CADM2: variants seen among roughly 807,000 people sequenced by gnomAD.
The protein encoded by CADM2 is immunoglobulin superfamily member 4D.
A neutral mutation model predicts 49.8 loss-of-function variants in CADM2; 12 were observed. The observed-to-expected ratio is 0.24, with a 90% confidence interval of 0.15 to 0.39. CADM2 has a LOEUF of 0.39. Among genes scored for constraint, CADM2 ranks in the 10% least tolerant of loss-of-function variants. The pLI is 1.00. For synonymous variants in CADM2, 214 were observed against 175.4 expected (o/e 1.22, Z -1.74); for missense variants, 378 against 492.3 (o/e 0.77, Z 2.20).
chr3:85,801,662 G>T (rs952805838), intron 2 of CADM2, among the ~76,000 whole-genome samples: 2 of 152,062 alleles, frequency 1.3e-5, no homozygotes, highest in African/African-American at 2.4e-5. Context: ...TTCCTCTACT[G>T]CTTTAGAGAG....
intron 1 of CADM2, among the ~76,000 whole-genome samples, chr3:85,377,253 T>A (rs1385587665): frequency 6.6e-6 from 1 of 152,112 alleles, no homozygotes; most frequent in African/African-American, 2.4e-5. Flanking sequence ...GTATGATTAG[T>A]GAAGCTGTAA....
intron 1 of CADM2, among the ~76,000 whole-genome samples, chr3:85,688,130 A>G (rs1021420787): frequency 6.6e-6 from 1 of 152,184 alleles, no homozygotes. Context: ...ATGGTTGGGG[A>G]CAGGTTGTCT....
chr3:85,884,891 A>ATTT (rs11309096), intron 4 of CADM2, among the ~76,000 whole-genome samples: 1 of 136,648 alleles, frequency 7.3e-6, no homozygotes, highest in Non-Finnish European at 1.6e-5. Context: ...CGCCTGGCTA[A>ATTT]TTTTTTTTTT....
chr3:85,010,401 G>T (rs577392524), intron 1 of CADM2, among the ~76,000 whole-genome samples: 5 of 152,088 alleles, frequency 3.3e-5, no homozygotes, highest in Non-Finnish European at 7.4e-5. Flanking sequence ...ATTTTATTGC[G>T]CACAGATGCT....
At chr3:85,124,066 C>G (rs1406573501) in intron 1 of CADM2, among the ~76,000 whole-genome samples, 1 of 152,122 alleles carries the variant, frequency 6.6e-6, no homozygotes, top group Non-Finnish European at 1.5e-5. Flanking sequence ...ATGCTTTTCT[C>G]TGTAATTAGG....
chr3:86,059,334 G>C (rs914515251), intron 8 of CADM2, among the ~76,000 whole-genome samples: 4 of 152,044 alleles, frequency 2.6e-5, no homozygotes, highest in African/African-American at 9.7e-5. Context: ...CTATAAATTA[G>C]TGTTATTTTT....
At chr3:85,608,252 GTAT>G (rs1324226899) in intron 1 of CADM2, among the ~76,000 whole-genome samples, 2 of 151,932 alleles carry the variant, frequency 1.3e-5, no homozygotes, top group African/African-American at 4.8e-5. Context: ...GTGTTGCAAA[GTAT>G]TATATTTTCA....
chr3:85,470,515 C>T (rs1279237542), intron 1 of CADM2, among the ~76,000 whole-genome samples: 1 of 152,006 alleles, frequency 6.6e-6, no homozygotes, highest in Non-Finnish European at 1.5e-5. Flanking sequence ...TGTGAGAGTT[C>T]AATAGTCTGA....
chr3:85,215,847 G>A (rs2041912648), intron 1 of CADM2, among the ~76,000 whole-genome samples: 1 of 152,008 alleles, frequency 6.6e-6, no homozygotes, highest in African/African-American at 2.4e-5. Context: ...CTGTAATGGG[G>A]CAACACTGAG....
At chr3:85,881,677 C>G (rs914293361) in intron 3 of CADM2, among the ~76,000 whole-genome samples, 1 of 152,016 alleles carries the variant, frequency 6.6e-6, no homozygotes, top group African/African-American at 2.4e-5. Context: ...TCTGGTCCAC[C>G]GAAGGGAGAA....
At chr3:85,977,012 C>T (rs867062089) in intron 8 of CADM2, among the ~76,000 whole-genome samples, 1 of 151,198 alleles carries the variant, frequency 6.6e-6, no homozygotes, top group African/African-American at 2.4e-5. Flanking sequence ...CAAGAATGCT[C>T]CTAGTACTTG....
chr3:85,677,973 A>G (rs1191412912), intron 1 of CADM2, among the ~76,000 whole-genome samples: 4 of 152,240 alleles, frequency 2.6e-5, no homozygotes, highest in African/African-American at 9.6e-5. Context: ...ATGATTTACT[A>G]TGCCTACAAC....
chr3:85,129,300 A>G (rs1202237409), intron 1 of CADM2, among the ~76,000 whole-genome samples: 1 of 152,182 alleles, frequency 6.6e-6, no homozygotes, highest in Admixed American at 6.5e-5. Context: ...AAACTTTTAT[A>G]GGGGTTTTCA....
At chr3:85,791,521 GGAGAGAGAGAGA>G (rs373247946) in intron 2 of CADM2, among the ~76,000 whole-genome samples, 1 of 131,296 alleles carries the variant, frequency 7.6e-6, no homozygotes, top group Non-Finnish European at 1.6e-5. Flanking sequence ...GGGTGGGGAG[GGAGAGAGAGAGA>G]GAGAGAGAGA....
chr3:85,982,055 T>TG (rs1215755358), intron 8 of CADM2, among the ~76,000 whole-genome samples: 3 of 151,718 alleles, frequency 2.0e-5, no homozygotes, highest in Non-Finnish European at 4.4e-5. Flanking sequence ...TTCTCACTGG[T>TG]GTAAGAAGGT....
chr3:85,803,496 G>A (rs200761090), intron 3 of CADM2, among the ~76,000 whole-genome samples: 39 of 129,890 alleles, frequency 3.0e-4, no homozygotes, highest in African/African-American at 1.1e-3. Context: ...TAGATAGATA[G>A]ATAAATAGAT....
chr3:85,962,960 C>T (rs1002022079), intron 8 of CADM2, among the ~76,000 whole-genome samples: 2 of 151,794 alleles, frequency 1.3e-5, no homozygotes, highest in African/African-American at 4.8e-5. Context: ...TTGTTCCATA[C>T]CTTTCCAAAA....
chr3:85,352,901 C>A (rs2031489027), intron 1 of CADM2, among the ~76,000 whole-genome samples: 1 of 152,038 alleles, frequency 6.6e-6, no homozygotes, highest in Non-Finnish European at 1.5e-5. Flanking sequence ...TGCTGCTGTT[C>A]CTAGAATGAT....
intron 1 of CADM2, among the ~76,000 whole-genome samples, chr3:85,100,926 C>T (rs1352994384): frequency 2.0e-5 from 3 of 152,080 alleles, no homozygotes; most frequent in Non-Finnish European, 4.4e-5. Flanking sequence ...AACTGCTGAA[C>T]ATTAGGAAAA....
Sources: gnomAD v4.1 joint callset for allele counts (sites outside exome capture counted in the v4.1 genomes callset) on GRCh38, gnomAD v4.1.1 for gene constraint, MANE v1.5 for transcripts, NCBI Gene and HGNC (gene_info 2026-07-23, HGNC 2026-07-21) for gene names.